Variants in WDR48 observed in about 807,000 individuals in gnomAD.
The protein encoded by WDR48 is WD repeat domain 48.
Under a neutral mutation model 94.0 loss-of-function variants are expected in WDR48, and 22 were observed. The observed-to-expected ratio is 0.23, with a 90% confidence interval of 0.17 to 0.33. The LOEUF (loss-of-function observed/expected upper bound fraction) is 0.33. WDR48 is among the 10% of genes least tolerant of loss of function. The pLI is 1.00. For missense variants in WDR48, 541 were observed against 813.8 expected (o/e 0.66, Z 4.08); for synonymous variants, 278 against 280.5 (o/e 0.99, Z 0.09).
chr3:39,078,101 CATA>C (rs1434256531), intron 9 of WDR48, 33 bp from the exon 10 acceptor site: 2 of 1,481,932 alleles, frequency 1.3e-6, no homozygotes, highest in African/African-American at 1.4e-5. Context: ...GCTTGTAGAG[CATA>C]ACATGATCAA....
At chr3:39,091,987 C>T (rs1017659580) in intron 17 of WDR48, among the ~76,000 whole-genome samples, 5 of 152,104 alleles carry the variant, frequency 3.3e-5, no homozygotes, top group East Asian at 1.9e-4. Flanking sequence ...GCCTGAGCAA[C>T]GTAGTGAGAC....
Position 39,078,280 on chromosome 3 carries a change from C to A in WDR48, c.1075+41C>A, listed in dbSNP as rs765818733. On this transcript the variant is annotated intron_variant, in intron 10 of 18. Coordinates refer to ENST00000302313, the MANE Select transcript of WDR48 (RefSeq NM_020839.4). ...GTACTGTACCCCTTATTGAAGTTAGCGATAGTTACTTAGAGATTGACAAAA... is the reference window on the plus strand; with the variant it reads ...GTACTGTACCCCTTATTGAAGTTAGAGATAGTTACTTAGAGATTGACAAAA... 6 of 1,373,380 alleles carry A rather than the reference C, an allele frequency of 4.4e-6. No individual in the cohort carries two copies. In the East Asian group the frequency reaches 1.2e-4, roughly 26 times the overall value. 85.1% of individuals were successfully genotyped at this position (1,373,380 alleles called of 1,614,324 possible). A position where few individuals can be genotyped will look rare whatever the true frequency, so the allele number is the denominator to read the frequency against.
intron 1 of WDR48, among the ~76,000 whole-genome samples, chr3:39,056,183 A>T (rs1254456131): frequency 6.6e-6 from 1 of 152,222 alleles, no homozygotes; most frequent in East Asian, 1.9e-4. Context: ...TTCCTTATTG[A>T]AGATATTGCT....
At chr3:39,088,522 C>T (rs529636360) in intron 15 of WDR48, among the ~76,000 whole-genome samples, 4 of 152,148 alleles carry the variant, frequency 2.6e-5, no homozygotes, top group Admixed American at 6.6e-5. Flanking sequence ...TCACTTTGCC[C>T]GTGTGACTGC....
intron 1 of WDR48, among the ~76,000 whole-genome samples, chr3:39,054,025 T>A (rs1454834010): frequency 6.6e-6 from 1 of 152,230 alleles, no homozygotes; most frequent in African/African-American, 2.4e-5. Context: ...TGTCTTAGAT[T>A]AACCTGCTGA....
intron 9 of WDR48, 129 bp downstream of exon 9, chr3:39,077,342 G>T: frequency 1.2e-6 from 1 of 837,256 alleles, no homozygotes; most frequent in South Asian, 1.7e-5. Context: ...GCAAAAACCT[G>T]AAAGCCCTGT....
Position 39,075,030 on chromosome 3 carries a change from A to C in WDR48, c.897+80A>C, listed in dbSNP as rs1352021081. 3.0e-6 allele frequency: 4 copies of C among 1,354,430 alleles called. No individual in the cohort carries two copies. In the African/African-American group the frequency reaches 4.4e-5, roughly 15 times the overall value. The allele number at this position is 1,354,430 out of a possible 1,614,324, so 83.9% of individuals were successfully genotyped here. ...CCAAATAGAGCAAAAGCTATATTAA[A>C]ACATGACTCAACTGCAGGGTTCGGA... On this transcript the variant is annotated intron_variant, in intron 8 of 18. Coordinates refer to ENST00000302313, the MANE Select transcript of WDR48 (RefSeq NM_020839.4).
chr3:39,087,942 C>A, intron 14 of WDR48, 186 bp from the exon 15 acceptor site: 1 of 563,296 alleles, frequency 1.8e-6, no homozygotes, highest in South Asian at 2.3e-5. Flanking sequence ...TGAAATAGAC[C>A]ACAAGTTGCT....
chr3:39,093,168 C>T (rs2035175675), intron 17 of WDR48, among the ~76,000 whole-genome samples: 4 of 152,232 alleles, frequency 2.6e-5, no homozygotes, highest in East Asian at 1.9e-4. Context: ...TAGACTCAGG[C>T]ATTGTCTGCT....
At chr3:39,068,669 A>G in intron 5 of WDR48, 102 bp from the exon 6 acceptor site, 1 of 732,140 alleles carries the variant, frequency 1.4e-6, no homozygotes. Context: ...GAGGACTTAT[A>G]AAGATAAGAT....
In WDR48 at chr3:39,096,525, C is replaced by T. The variant is rs1001148205; in HGVS notation, c.*1782C>T. The T allele has an allele frequency of 2.8e-4, 42 of 152,174 alleles. No homozygotes were observed. Among genetic ancestry groups the T allele is most frequent in the African/African-American group, 9.4e-4 (39 of 41,440 alleles). The allele number at this position is 152,174 out of a possible 1,614,324, so 9.4% of individuals were successfully genotyped here. On this transcript the variant is annotated 3_prime_UTR_variant, in exon 19 of 19. Coordinates refer to ENST00000302313, the MANE Select transcript of WDR48 (RefSeq NM_020839.4). The stretch of plus-strand genomic sequence containing the variant: ...GCTGCATTCCCCTCCTGTCATAGAT[C>T]TGACCCCCAGCATGATTGTATTTCT...
intron 16 of WDR48, chr3:39,090,854 A>T (rs1037370879): frequency 6.6e-6 from 1 of 152,220 alleles, no homozygotes; most frequent in African/African-American, 2.4e-5. Flanking sequence ...ACTTAAAGCC[A>T]ATGTGACACC....
intron 11 of WDR48, among the ~76,000 whole-genome samples, chr3:39,082,122 T>C (rs2034568061): frequency 6.6e-6 from 1 of 152,152 alleles, no homozygotes; most frequent in Admixed American, 6.5e-5. Context: ...TGCCTATTAT[T>C]GGTGATGTTG....
At chr3:39,067,645 G>A (rs1372020183) in intron 5 of WDR48, among the ~76,000 whole-genome samples, 2 of 152,102 alleles carry the variant, frequency 1.3e-5, no homozygotes, top group Admixed American at 6.5e-5. Context: ...TGAAGACATG[G>A]GCCTGCATTC....
At chr3:39,069,512 A>G in intron 6 of WDR48, 131 bp from the exon 7 acceptor site, 5 of 726,330 alleles carry the variant, frequency 6.9e-6, no homozygotes, top group Non-Finnish European at 8.8e-6. Flanking sequence ...AGGCTTAGAC[A>G]GTGTCCATTG....
chr3:39,076,942 C>G lies in WDR48; in HGVS notation c.898-197C>G, dbSNP rs2034257085. Among the ~76,000 whole-genome samples the G allele has an allele frequency of 3.3e-5, 5 of 152,154 alleles. No individual in the cohort carries two copies. The South Asian group carries it at 1.0e-3, about 31-fold the overall frequency. ...TTAGGTGAGAAATTACCCCATTACA[C>G]TTTTATAGGGCTATGAATTTATTTA... On this transcript the variant is annotated intron_variant, in intron 8 of 18. Coordinates refer to ENST00000302313, the MANE Select transcript of WDR48 (RefSeq NM_020839.4).
chr3:39,082,546 C>G (rs9637535), intron 11 of WDR48, among the ~76,000 whole-genome samples: 1 of 152,098 alleles, frequency 6.6e-6, no homozygotes, highest in African/African-American at 2.4e-5. Flanking sequence ...TCCCACAGTG[C>G]TGAGATTACA....
intron 3 of WDR48, 77 bp downstream of exon 3, chr3:39,065,966 A>G (rs1225367656): frequency 2.8e-6 from 3 of 1,087,618 alleles, no homozygotes; most frequent in Admixed American, 5.3e-5. Flanking sequence ...ATTGAAACAT[A>G]CATACAGAAA....
chr3:39,071,196 C>T (rs2033917371), intron 7 of WDR48, among the ~76,000 whole-genome samples: 1 of 152,120 alleles, frequency 6.6e-6, no homozygotes, highest in Non-Finnish European at 1.5e-5. Context: ...AAGTGAGAAT[C>T]ATAATATATA....
Sources: gnomAD v4.1 joint callset for allele counts (sites outside exome capture counted in the v4.1 genomes callset) on GRCh38, gnomAD v4.1.1 for gene constraint, MANE v1.5 for transcripts, NCBI Gene and HGNC (gene_info 2026-07-23, HGNC 2026-07-21) for gene names.